The following SEMA6D variants were observed in gnomAD, a reference collection of about 807,000 sequenced individuals.
SEMA6D encodes semaphorin-6D.
Under a neutral mutation model 106.6 loss-of-function variants are expected in SEMA6D, and 35 were observed. The ratio of observed to expected loss-of-function variants is 0.33; its 90% CI spans 0.25 to 0.44. The LOEUF (loss-of-function observed/expected upper bound fraction) is 0.44, where lower values mean the gene tolerates loss of function less well. Among genes scored for constraint, SEMA6D ranks in the 20% least tolerant of loss-of-function variants. SEMA6D has a pLI of 1.00. For synonymous variants in SEMA6D, 499 were observed against 487.7 expected (o/e 1.02, Z -0.31); for missense variants, 1,185 against 1,345.9 (o/e 0.88, Z 1.87).
intron 4 of SEMA6D, among the ~76,000 whole-genome samples, chr15:47,622,016 T>C (rs140525821): frequency 1.3e-5 from 2 of 152,120 alleles, no homozygotes; most frequent in Non-Finnish European, 2.9e-5. Flanking sequence ...GTTCCGTTCA[T>C]GAGGAGGAAG....
intron 3 of SEMA6D, among the ~76,000 whole-genome samples, chr15:47,569,917 C>T (rs1028727871): frequency 2.0e-5 from 3 of 151,806 alleles, no homozygotes; most frequent in Non-Finnish European, 2.9e-5. Context: ...AAAAATTAGA[C>T]GGGCGTGGTG....
rs1036387633 is a variant in SEMA6D at position 47,237,467 on chromosome 15, G to A, written c.-239+53049G>A. 3.3e-5 allele frequency among the ~76,000 whole-genome samples: 5 copies of A among 152,174 alleles called. 1 individual carries two copies. In the South Asian group the frequency reaches 1.0e-3, roughly 32 times the overall value. ...TTATTGTTCTCTCAAATTGCACTAT[G>A]TAGAGAGGCAAGAAGTAGTGTACAA... On this transcript the variant is annotated intron_variant, in intron 1 of 19. Transcript: ENST00000558014.
At chr15:47,354,318 TAC>T (rs568128158) in intron 1 of SEMA6D, among the ~76,000 whole-genome samples, 1 of 146,844 alleles carries the variant, frequency 6.8e-6, no homozygotes, top group Non-Finnish European at 1.5e-5. Context: ...TATATATATA[TAC>T]ACACATGCAT....
At chr15:47,647,984 C>A (rs1037435924) in intron 4 of SEMA6D, among the ~76,000 whole-genome samples, 1 of 152,034 alleles carries the variant, frequency 6.6e-6, no homozygotes, top group African/African-American at 2.4e-5. Context: ...ATATGAAACC[C>A]AACAGAAATG....
chr15:47,210,379 A>T (rs1341581967), intron 1 of SEMA6D, among the ~76,000 whole-genome samples: 1 of 152,114 alleles, frequency 6.6e-6, no homozygotes, highest in Non-Finnish European at 1.5e-5. Flanking sequence ...ACAAGCTGTG[A>T]TATTTTTTAG....
rs369471032 is a variant in SEMA6D at position 47,768,754 on chromosome 15, G to A, written c.1933+6G>A. 4 of 1,610,382 alleles carry A rather than the reference G, an allele frequency of 2.5e-6. No homozygotes were observed. The highest frequency in any genetic ancestry group is 2.2e-5 in the South Asian group (2 of 90,592). On this transcript the variant is annotated splice_donor_region_variant and intron_variant, in intron 18 of 18. Coordinates refer to ENST00000536845, the MANE Select transcript of SEMA6D (RefSeq NM_001358351.3). ...TTTATCGGGTATCCCAAAGGGTAAG[G>A]CCTCAGCAGGGACCTCATCTCTAAC...
chr15:47,462,127 C>T (rs987652335), intron 2 of SEMA6D, among the ~76,000 whole-genome samples: 1 of 152,074 alleles, frequency 6.6e-6, no homozygotes, highest in Non-Finnish European at 1.5e-5. Context: ...ATACTCTTCC[C>T]ATTTTTCTGA....
intron 4 of SEMA6D, among the ~76,000 whole-genome samples, chr15:47,607,293 T>C (rs902474854): frequency 2.0e-5 from 3 of 152,212 alleles, no homozygotes; most frequent in Admixed American, 1.3e-4. Flanking sequence ...TTGACCAATA[T>C]GGTTAGATCA....
chr15:47,338,996 T>G (rs1049963245), intron 1 of SEMA6D: 1 of 152,138 alleles, frequency 6.6e-6, no homozygotes, highest in African/African-American at 2.4e-5. Context: ...GATCATGTAC[T>G]TTTTGTCCAA....
At chr15:47,350,162 A>AGTTTCTAATAATTTCTAAGACAAATCAG (rs150828096) in intron 1 of SEMA6D, among the ~76,000 whole-genome samples, 70,580 of 151,574 alleles carry the variant, frequency 0.47, 19,527 homozygotes, top group South Asian at 0.61. Context: ...TTTCAAATCA[A>AGTTTCTAATAATTTCTAAGACAAATCAG]GTTTCTAATA....
chr15:47,749,005 TA>T (rs2081285460), intron 1 of SEMA6D, among the ~76,000 whole-genome samples: 1 of 151,184 alleles, frequency 6.6e-6, no homozygotes, highest in South Asian at 2.1e-4. Context: ...CTCCCAGGCT[TA>T]AAACACAAGT....
chr15:47,635,122 T>C (rs1037401557), intron 4 of SEMA6D, among the ~76,000 whole-genome samples: 6 of 152,114 alleles, frequency 3.9e-5, no homozygotes, highest in African/African-American at 1.2e-4. Flanking sequence ...AGTCCTGACC[T>C]CCCTGTAAAG....
intron 1 of SEMA6D, among the ~76,000 whole-genome samples, chr15:47,248,991 G>C (rs1479698888): frequency 6.6e-6 from 1 of 152,144 alleles, no homozygotes; most frequent in Non-Finnish European, 1.5e-5. Context: ...ACTTTGGGAG[G>C]CTGAGGCGGG....
At chr15:47,642,704 A>T (rs1287925733) in intron 4 of SEMA6D, among the ~76,000 whole-genome samples, 1 of 152,174 alleles carries the variant, frequency 6.6e-6, no homozygotes. Flanking sequence ...AGAGGGAACC[A>T]TCACTTCTGG....
intron 1 of SEMA6D, among the ~76,000 whole-genome samples, chr15:47,360,312 G>A (rs1012399452): frequency 6.6e-6 from 1 of 152,204 alleles, no homozygotes; most frequent in African/African-American, 2.4e-5. Context: ...AGCCTGCATA[G>A]CAGATAAGCA....
chr15:47,391,949 A>G (rs1296833430), intron 1 of SEMA6D, among the ~76,000 whole-genome samples: 1 of 152,084 alleles, frequency 6.6e-6, no homozygotes, highest in Non-Finnish European at 1.5e-5. Context: ...GCATCTTAAA[A>G]ACACCACCAT....
At chr15:47,445,633 A>T (rs900704551) in intron 2 of SEMA6D, among the ~76,000 whole-genome samples, 2 of 152,088 alleles carry the variant, frequency 1.3e-5, no homozygotes, top group African/African-American at 4.8e-5. Context: ...CCTTCTTTCT[A>T]TGTGTTACCT....
At chr15:47,433,536 T>TGTAGA (rs1186786106) in intron 2 of SEMA6D, among the ~76,000 whole-genome samples, 2 of 152,088 alleles carry the variant, frequency 1.3e-5, no homozygotes, top group African/African-American at 4.8e-5. Context: ...ATTGACCCCT[T>TGTAGA]GTAGAGATGT....
In SEMA6D at chr15:47,502,625, A is replaced by G. The variant is rs142139609; in HGVS notation, c.-87+32080A>G. Among the ~76,000 whole-genome samples, 41 of 152,352 alleles carry G rather than the reference A, an allele frequency of 2.7e-4. No homozygotes were observed. The East Asian group carries it at 6.6e-3, about 24-fold the overall frequency. On this transcript the variant is annotated intron_variant, in intron 3 of 19. Coordinates refer to the SEMA6D transcript ENST00000558014. ...CATGTGAAAATGACAAGGGCATGTC[A>G]TATCATCTTTGAAAGATGGCTCCCT... is the stretch of plus-strand genomic sequence containing the variant.
Sources: gnomAD v4.1 joint callset for allele counts (sites outside exome capture counted in the v4.1 genomes callset) on GRCh38, gnomAD v4.1.1 for gene constraint, MANE v1.5 for transcripts, NCBI Gene and HGNC (gene_info 2026-07-23, HGNC 2026-07-21) for gene names.